Variants in C16orf74 observed in about 807,000 individuals in gnomAD.
C16orf74 encodes the protein uncharacterized protein C16orf74.
A neutral mutation model predicts 6.5 loss-of-function variants in C16orf74; 10 were observed. That is an observed-to-expected ratio of 1.54 (90% CI 0.95 to 2.61). The LOEUF is 2.61. Ranked by LOEUF, C16orf74 falls within the 30% of genes most tolerant of loss-of-function variation. The pLI, the probability that C16orf74 is intolerant of heterozygous loss-of-function variation, is 0.00. For missense variants in C16orf74, 141 were observed against 105.9 expected (o/e 1.33, Z -1.45); for synonymous variants, 60 against 42.5 (o/e 1.41, Z -1.60).
intron 1 of C16orf74, among the ~76,000 whole-genome samples, chr16:85,744,873 GGT>G (rs1320473623): frequency 3.3e-5 from 5 of 149,340 alleles, no homozygotes; most frequent in African/African-American, 1.2e-4. Context: ...CGGGTGCAGT[GGT>G]TTACGCCTGT....
intron 2 of C16orf74, among the ~76,000 whole-genome samples, chr16:85,713,817 T>C (rs1020288714): frequency 2.0e-5 from 3 of 152,158 alleles, no homozygotes; most frequent in Non-Finnish European, 4.4e-5. Context: ...TCACGCACCA[T>C]CGTCAGGAGG....
At chr16:85,732,755 C>T (rs1385361476) in intron 2 of C16orf74, among the ~76,000 whole-genome samples, 1 of 151,988 alleles carries the variant, frequency 6.6e-6, no homozygotes, top group East Asian at 1.9e-4. Flanking sequence ...TCATCACCTC[C>T]AGAGACCCAG....
rs961231334 is a variant in C16orf74 at position 85,735,294 on chromosome 16, G to T, written c.-18-59C>A. Reference sequence around the variant, plus strand: ...GGCGCGACTTGTTTGTATTGGCCACGTGCAGCCGGGCCCCCACCCTTGGCC... The same window carrying T: ...GGCGCGACTTGTTTGTATTGGCCACTTGCAGCCGGGCCCCCACCCTTGGCC... On this transcript the variant is annotated intron_variant, in intron 1 of 3. Coordinates refer to ENST00000284245, the MANE Select transcript of C16orf74 (RefSeq NM_206967.3). 16 of 1,309,068 alleles carry T rather than the reference G, an allele frequency of 1.2e-5. No individual in the cohort carries two copies. In the Admixed American group the frequency reaches 3.7e-4, roughly 30 times the overall value. The allele number at this position is 1,309,068 out of a possible 1,614,324, so 81.1% of individuals were successfully genotyped here. A position where few individuals can be genotyped will look rare whatever the true frequency, so the allele number is the denominator to read the frequency against.
intron 3 of C16orf74, among the ~76,000 whole-genome samples, chr16:85,709,287 G>C (rs58009342): frequency 0.032 from 4,878 of 152,240 alleles, 278 homozygotes; most frequent in African/African-American, 0.11. Flanking sequence ...GAAGGAGGTG[G>C]AGGTTGCAGT....
chr16:85,721,477 C>T (rs957064737), intron 2 of C16orf74, among the ~76,000 whole-genome samples: 7 of 152,166 alleles, frequency 4.6e-5, no homozygotes, highest in Non-Finnish European at 1.0e-4. Flanking sequence ...GGCCTTCCAT[C>T]GCATTTGAAT....
intron 1 of C16orf74, among the ~76,000 whole-genome samples, 168 bp from the exon 2 acceptor site, chr16:85,735,403 G>C (rs936705643): frequency 3.9e-5 from 6 of 152,218 alleles, no homozygotes; most frequent in African/African-American, 1.4e-4. Flanking sequence ...ATCTGGGCTG[G>C]ATTTGCTCAA....
chr16:85,743,032 C>T (rs902881195), intron 1 of C16orf74, among the ~76,000 whole-genome samples: 26 of 152,196 alleles, frequency 1.7e-4, no homozygotes, highest in African/African-American at 6.3e-4. Flanking sequence ...AGGGCACCCC[C>T]ACTACGTGGC....
At chr16:85,739,674 C>A (rs999533700) in intron 1 of C16orf74, among the ~76,000 whole-genome samples, 4 of 151,906 alleles carry the variant, frequency 2.6e-5, no homozygotes, top group Non-Finnish European at 5.9e-5. Context: ...GTGGTGCATG[C>A]CTGTAACCCA....
At chr16:85,748,233 C>G (rs301148) in intron 1 of C16orf74, among the ~76,000 whole-genome samples, 150,647 of 150,828 alleles carry the variant, frequency 1, 75,233 homozygotes, top group Non-Finnish European at 1. Context: ...GGGGGAAGTA[C>G]GTGGGATGGG....
intron 1 of C16orf74, among the ~76,000 whole-genome samples, chr16:85,739,422 G>T (rs143649526): frequency 3.0e-4 from 46 of 152,322 alleles, no homozygotes; most frequent in Non-Finnish European, 1.3e-4. Flanking sequence ...CTGTACAGAA[G>T]TTCTCACAGA....
intron 2 of C16orf74, among the ~76,000 whole-genome samples, chr16:85,716,138 T>C (rs2054021235): frequency 6.6e-6 from 1 of 152,058 alleles, no homozygotes; most frequent in East Asian, 1.9e-4. Flanking sequence ...CACCCCACGT[T>C]TGCATTTTAA....
chr16:85,707,813 C>G lies in C16orf74; in HGVS notation c.*195G>C, dbSNP rs1351675839. On this transcript the variant is annotated 3_prime_UTR_variant, in exon 4 of 4. Transcript: ENST00000284245. ...CAGAGGTCCGGTCCACTCAGCGGGG[C>G]CTGGGAAACACTGTTCTGGAAGTGG... 1.7e-6 allele frequency: 1 copy of G among 590,228 alleles called. No individual in the cohort carries two copies. The highest frequency in any genetic ancestry group is 3.0e-5 in the Admixed American group (1 of 33,122). The allele number at this position is 590,228 out of a possible 1,614,324, so 36.6% of individuals were successfully genotyped here.
chr16:85,710,006 C>T (rs1326831746), intron 3 of C16orf74, among the ~76,000 whole-genome samples, 158 bp downstream of exon 3: 1 of 152,218 alleles, frequency 6.6e-6, no homozygotes, highest in Non-Finnish European at 1.5e-5. Flanking sequence ...AGGGGGCTCA[C>T]GGTGCAGTGT....
At chr16:85,737,961 ATTTTTT>A (rs34329302) in intron 1 of C16orf74, among the ~76,000 whole-genome samples, 3 of 136,936 alleles carry the variant, frequency 2.2e-5, no homozygotes, top group East Asian at 2.1e-4. Flanking sequence ...TTTTTTTGTG[ATTTTTT>A]TTTTTTTTTT....
At chr16:85,725,225 G>A (rs1032448047) in intron 2 of C16orf74, among the ~76,000 whole-genome samples, 4 of 152,220 alleles carry the variant, frequency 2.6e-5, no homozygotes, top group Non-Finnish European at 5.9e-5. Context: ...CTGGAGTGGG[G>A]TGTCTCTCAG....
intron 2 of C16orf74, among the ~76,000 whole-genome samples, chr16:85,717,275 T>C (rs2054035046): frequency 1.3e-5 from 2 of 152,086 alleles, no homozygotes; most frequent in South Asian, 4.2e-4. Flanking sequence ...GCGGTTCCCA[T>C]CGCGGCTGCC....
intron 2 of C16orf74, among the ~76,000 whole-genome samples, chr16:85,729,874 G>A (rs1405188517): frequency 6.6e-6 from 1 of 152,132 alleles, no homozygotes; most frequent in Non-Finnish European, 1.5e-5. Flanking sequence ...CCCTGCCAGG[G>A]CCGATTTCAG....
rs1051182879 is a variant in C16orf74 at position 85,724,951 on chromosome 16, C to G, written c.28+10239G>C. Reference sequence around the variant, plus strand: ...ACAGAGTGCTGGGGTGTAGACCAGCCAGGCTGACCTTCCCAGGCACGGCTG... The same window carrying G: ...ACAGAGTGCTGGGGTGTAGACCAGCGAGGCTGACCTTCCCAGGCACGGCTG... On this transcript the variant is annotated intron_variant, in intron 2 of 3. Transcript: ENST00000284245. 3.9e-5 allele frequency among the ~76,000 whole-genome samples: 6 copies of G among 152,286 alleles called. No homozygotes were observed. The East Asian group carries it at 1.2e-3, about 29-fold the overall frequency.
At chr16:85,739,321 A>G (rs1233638639) in intron 1 of C16orf74, among the ~76,000 whole-genome samples, 1 of 152,188 alleles carries the variant, frequency 6.6e-6, no homozygotes, top group Non-Finnish European at 1.5e-5. Flanking sequence ...TTTATCATCT[A>G]TTCCCTTTTA....
Sources: allele counts gnomAD v4.1 joint callset (sites outside exome capture counted in the v4.1 genomes callset), GRCh38; gene constraint gnomAD v4.1.1; transcripts MANE v1.5; gene names NCBI Gene and HGNC (gene_info 2026-07-23, HGNC 2026-07-21).